Variants in ST6GALNAC3 observed in about 807,000 individuals in gnomAD.
ST6GALNAC3 encodes the protein ST6 N-acetylgalactosaminide alpha-2,6-sialyltransferase 3.
ST6GALNAC3 carries 25 observed loss-of-function variants against 32.7 expected under a neutral mutation model. The ratio of observed to expected loss-of-function variants is 0.76; its 90% confidence interval spans 0.56 to 1.07. The LOEUF (loss-of-function observed/expected upper bound fraction) is 1.07, where lower values mean the gene tolerates loss of function less well. ST6GALNAC3 is among the 50% of genes least tolerant of loss of function. ST6GALNAC3 has a pLI of 0.00. For synonymous variants in ST6GALNAC3, 129 were observed against 133.1 expected, an observed-to-expected ratio of 0.97 and a Z score of 0.21; for missense variants, 355 against 382.4, an observed-to-expected ratio of 0.93 and a Z score of 0.60.
At chr1:76,599,321 T>C (rs970529065) in intron 3 of ST6GALNAC3, among the ~76,000 whole-genome samples, 2 of 152,154 alleles carry the variant, frequency 1.3e-5, no homozygotes, top group Non-Finnish European at 2.9e-5. Flanking sequence ...GGGATACATA[T>C]GCAGAACGTG....
At chr1:76,471,644 TG>T (rs1659037809) in intron 3 of ST6GALNAC3, among the ~76,000 whole-genome samples, 1 of 152,144 alleles carries the variant, frequency 6.6e-6, no homozygotes, top group Admixed American at 6.6e-5. Flanking sequence ...GCACATAGTA[TG>T]GTGACATATA....
At chr1:76,329,941 T>G (rs1390505429) in intron 2 of ST6GALNAC3, among the ~76,000 whole-genome samples, 2 of 151,868 alleles carry the variant, frequency 1.3e-5, no homozygotes, top group Non-Finnish European at 2.9e-5. Context: ...CCCAAGTAGC[T>G]GGGATTACAG....
chr1:76,320,922 T>G (rs527796331), intron 2 of ST6GALNAC3, among the ~76,000 whole-genome samples: 1 of 151,812 alleles, frequency 6.6e-6, no homozygotes, highest in Admixed American at 6.6e-5. Flanking sequence ...ATTAAAATGG[T>G]ATGTAAAATG....
At chr1:76,628,259 C>T (rs919244694) in intron 4 of ST6GALNAC3, among the ~76,000 whole-genome samples, 1 of 151,914 alleles carries the variant, frequency 6.6e-6, no homozygotes. Context: ...TAACTATAAG[C>T]ATAATGGAGC....
At chr1:76,318,232 T>C (rs1045073730) in intron 2 of ST6GALNAC3, among the ~76,000 whole-genome samples, 4 of 151,278 alleles carry the variant, frequency 2.6e-5, no homozygotes, top group Non-Finnish European at 5.9e-5. Context: ...ATAAAGGGGT[T>C]AAATAGAAAG....
rs1297700254 is a variant in ST6GALNAC3 at position 76,531,398 on chromosome 1, G to T, written c.624-96054G>T. On this transcript the variant is annotated intron_variant, in intron 3 of 4. Transcript: ENST00000328299. ...CAGTAAACATCACGGGAACTACACT[G>T]GGAATGTATCAACTGTGCATACTAT... Among the ~76,000 whole-genome samples the T allele has an allele frequency of 3.9e-5, 6 of 152,268 alleles. 1 individual carries two copies. The South Asian group carries it at 1.2e-3, about 32-fold the overall frequency.
chr1:76,150,062 C>A (rs899628645), intron 1 of ST6GALNAC3, among the ~76,000 whole-genome samples: 1 of 152,212 alleles, frequency 6.6e-6, no homozygotes, highest in Admixed American at 6.5e-5. Context: ...GTGACTCAGG[C>A]AGACACTGCA....
chr1:76,338,849 T>C (rs1647720939), intron 2 of ST6GALNAC3, among the ~76,000 whole-genome samples: 1 of 152,044 alleles, frequency 6.6e-6, no homozygotes, highest in Non-Finnish European at 1.5e-5. Context: ...ATAAAGAAAA[T>C]AAGGTGTGGG....
chr1:76,479,242 T>C (rs1444368794), intron 3 of ST6GALNAC3, among the ~76,000 whole-genome samples: 2 of 152,184 alleles, frequency 1.3e-5, no homozygotes, highest in Non-Finnish European at 1.5e-5. Context: ...CATTGGAATA[T>C]GGAAACAGAC....
intron 3 of ST6GALNAC3, among the ~76,000 whole-genome samples, chr1:76,550,048 C>G (rs899054750): frequency 1.3e-5 from 2 of 152,104 alleles, no homozygotes; most frequent in African/African-American, 4.8e-5. Flanking sequence ...TTATACAGTA[C>G]TTTATATATT....
Position 76,175,720 on chromosome 1 carries a change from A to G in ST6GALNAC3, c.18+100836A>G, listed in dbSNP as rs574973591. On this transcript the variant is annotated intron_variant, in intron 1 of 4. Transcript: ENST00000328299. ...CAATGCTTTGCCATGAAAAGGAGAAAAAACAGTTCTTTCTCTCTAAGCTGC... is the reference window on the plus strand; with the variant it reads ...CAATGCTTTGCCATGAAAAGGAGAAGAAACAGTTCTTTCTCTCTAAGCTGC... 5.3e-5 allele frequency among the ~76,000 whole-genome samples: 8 copies of G among 152,336 alleles called. No homozygotes were observed. The South Asian group carries it at 1.7e-3, about 32-fold the overall frequency.
intron 2 of ST6GALNAC3, among the ~76,000 whole-genome samples, chr1:76,384,801 C>T (rs1444842020): frequency 1.3e-5 from 2 of 151,936 alleles, no homozygotes; most frequent in East Asian, 3.9e-4. Flanking sequence ...TTCATGGGTA[C>T]ATTTGGCATG....
intron 1 of ST6GALNAC3, among the ~76,000 whole-genome samples, chr1:76,236,227 C>T (rs2783988): frequency 0.04 from 6,092 of 152,208 alleles, 342 homozygotes; most frequent in African/African-American, 0.12. Context: ...GGATTACAAG[C>T]CTGAGCTACC....
intron 3 of ST6GALNAC3, among the ~76,000 whole-genome samples, chr1:76,510,292 A>G (rs1262803042): frequency 6.6e-6 from 1 of 152,198 alleles, no homozygotes; most frequent in Non-Finnish European, 1.5e-5. Flanking sequence ...ATGAGCTAAA[A>G]ATACTACGTG....
chr1:76,520,913 T>C (rs1662489263), intron 3 of ST6GALNAC3, among the ~76,000 whole-genome samples: 1 of 152,172 alleles, frequency 6.6e-6, no homozygotes, highest in African/African-American at 2.4e-5. Flanking sequence ...ATTTTGTTTG[T>C]TAATGTACTT....
chr1:76,107,297 C>CTT (rs5775324), intron 1 of ST6GALNAC3, among the ~76,000 whole-genome samples: 334 of 137,688 alleles, frequency 2.4e-3, no homozygotes, highest in African/African-American at 7.6e-3. Flanking sequence ...CACACTTTTG[C>CTT]TTTTTTTTTT....
intron 2 of ST6GALNAC3, among the ~76,000 whole-genome samples, chr1:76,368,188 C>T (rs1029536519): frequency 1.3e-5 from 2 of 152,040 alleles, no homozygotes; most frequent in Non-Finnish European, 2.9e-5. Flanking sequence ...ACTCTGCCGT[C>T]GTAGAGAAAA....
chr1:76,357,850 C>T (rs1649611086), intron 2 of ST6GALNAC3, among the ~76,000 whole-genome samples: 1 of 152,038 alleles, frequency 6.6e-6, no homozygotes, highest in Non-Finnish European at 1.5e-5. Context: ...TGGAGTGCCT[C>T]CAGATGAAGG....
At chr1:76,230,592 A>G (rs1450728940) in intron 1 of ST6GALNAC3, among the ~76,000 whole-genome samples, 1 of 152,194 alleles carries the variant, frequency 6.6e-6, no homozygotes, top group Non-Finnish European at 1.5e-5. Flanking sequence ...AAAGTATGAG[A>G]TTAGTATTAT....
Sources: gnomAD v4.1 joint callset for allele counts (sites outside exome capture counted in the v4.1 genomes callset) on GRCh38, gnomAD v4.1.1 for gene constraint, MANE v1.5 for transcripts, NCBI Gene and HGNC (gene_info 2026-07-23, HGNC 2026-07-21) for gene names.